The following NAV3 variants were observed in gnomAD, a reference collection of about 807,000 sequenced individuals.
NAV3 encodes pore membrane and/or filament interacting like protein 1.
Under a neutral mutation model 244.7 loss-of-function variants are expected in NAV3, and 87 were observed. The ratio of observed to expected loss-of-function variants is 0.36; its 90% CI spans 0.30 to 0.42. The LOEUF (loss-of-function observed/expected upper bound fraction) is 0.42, where lower values mean the gene tolerates loss of function less well. Ranked by LOEUF, NAV3 falls within the 20% of genes least tolerant of loss-of-function variation. The probability of loss-of-function intolerance (pLI) is 1.00; values close to 1 mark genes in which losing one functional copy is unlikely to be tolerated. For missense variants in NAV3, 2,663 were observed against 2,893.3 expected (o/e 0.92, Z 1.83); for synonymous variants, 1,126 against 1,042.2 (o/e 1.08, Z -1.55).
rs1311237337 is a variant in NAV3 at position 78,190,127 on chromosome 12, A to G, written c.6199A>G (p.Asn2067Asp). ...PSGTGKTYLA[N>D]KLAEYVITKS... ...TGGTACTGGAAAGACCTATTTGGCA[A>G]ACAAACTTGCTGAATATGTAATAAC... The change falls in exon 34 of 40, where the codon AAC (asparagine) becomes GAC (aspartate). Residue 2067 changes from asparagine (N) to aspartate (D), a missense_variant. Asn to Asp is a conservative substitution (Grantham distance 23). Coordinates refer to ENST00000397909, the MANE Select transcript of NAV3 (RefSeq NM_001024383.2). 6.2e-7 allele frequency: 1 copy of G among 1,613,172 alleles called. No homozygotes were observed. Among genetic ancestry groups the G allele is most frequent in the Non-Finnish European group, 8.5e-7 (1 of 1,179,546 alleles).
chr12:77,694,566 G>A (rs183691530), intron 2 of NAV3, among the ~76,000 whole-genome samples: 69 of 151,758 alleles, frequency 4.5e-4, no homozygotes, highest in African/African-American at 1.4e-3. Flanking sequence ...TGTCCAGACC[G>A]TGTATAACAG....
At chr12:77,857,024 A>C (rs1455819265) in intron 1 of NAV3, among the ~76,000 whole-genome samples, 1 of 152,144 alleles carries the variant, frequency 6.6e-6, no homozygotes, top group African/African-American at 2.4e-5. Context: ...TTTAACATCA[A>C]ATGCATTTAT....
intron 2 of NAV3, among the ~76,000 whole-genome samples, chr12:77,677,326 C>T (rs949485590): frequency 1.3e-5 from 2 of 152,090 alleles, no homozygotes; most frequent in Non-Finnish European, 2.9e-5. Flanking sequence ...AAAAAGATAA[C>T]TTAAATAGAT....
chr12:77,872,333 C>A (rs1201059854), intron 1 of NAV3, among the ~76,000 whole-genome samples: 1 of 152,004 alleles, frequency 6.6e-6, no homozygotes, highest in Non-Finnish European at 1.5e-5. Context: ...GTGTGTAAGA[C>A]CAGCTAATAC....
At chr12:77,666,083 C>T (rs558084612) in intron 2 of NAV3, among the ~76,000 whole-genome samples, 8 of 151,400 alleles carry the variant, frequency 5.3e-5, no homozygotes, top group East Asian at 3.9e-4. Context: ...AAAATTTCTT[C>T]TAATCTCTTC....
chr12:77,966,783 G>T (rs146121355), intron 4 of NAV3, among the ~76,000 whole-genome samples: 4 of 151,936 alleles, frequency 2.6e-5, no homozygotes, highest in Non-Finnish European at 4.4e-5. Flanking sequence ...AACTAACAGC[G>T]TTAATCACTG....
intron 2 of NAV3, among the ~76,000 whole-genome samples, chr12:77,619,154 G>A (rs190045634): frequency 6.6e-6 from 1 of 152,232 alleles, no homozygotes; most frequent in African/African-American, 2.4e-5. Flanking sequence ...TTTGAAAAGT[G>A]GTTTCTTACA....
At chr12:78,005,725 A>G (rs1874087653) in intron 7 of NAV3, among the ~76,000 whole-genome samples, 1 of 152,216 alleles carries the variant, frequency 6.6e-6, no homozygotes, top group Non-Finnish European at 1.5e-5. Flanking sequence ...TACCTAAATC[A>G]TTGAATGAAG....
chr12:77,685,818 A>C (rs773920278), intron 2 of NAV3, among the ~76,000 whole-genome samples: 83 of 152,306 alleles, frequency 5.4e-4, no homozygotes, highest in Non-Finnish European at 7.4e-4. Flanking sequence ...ACATATGATA[A>C]TTTATAAATA....
Position 78,058,946 on chromosome 12 carries a change from C to T in NAV3, c.2517-50C>T, listed in dbSNP as rs375832605. ...CGTTTGTTTATTAAGTTAAATTGTA[C>T]AGTTGAGTTGATTTAGTTTTCTGTG... On this transcript the variant is annotated intron_variant, in intron 11 of 39. Coordinates refer to ENST00000397909, the MANE Select transcript of NAV3 (RefSeq NM_001024383.2). 379 of 1,506,606 alleles carry T rather than the reference C, an allele frequency of 2.5e-4. 1 individual carries two copies. Among genetic ancestry groups the T allele is most frequent in the Non-Finnish European group, 3.2e-4 (355 of 1,123,972 alleles). 93.3% of individuals were successfully genotyped at this position (1,506,606 alleles called of 1,614,324 possible). A position where few individuals can be genotyped will look rare whatever the true frequency, so the allele number is the denominator to read the frequency against.
At chr12:77,838,536 T>C (rs2136142549) in intron 1 of NAV3, among the ~76,000 whole-genome samples, 1 of 152,334 alleles carries the variant, frequency 6.6e-6, no homozygotes, top group African/African-American at 2.4e-5. Context: ...TTGATGCCAA[T>C]TTGCCGAACA....
chr12:78,148,938 A>G lies in NAV3; in HGVS notation c.4785+19A>G, dbSNP rs1168191926. The G allele has an allele frequency of 6.3e-7, 1 of 1,585,094 alleles. No homozygotes were observed. The highest frequency in any genetic ancestry group is 1.1e-5 in the South Asian group (1 of 87,910). ...AGCAAATGTAAGTCACTTCATTTTT[A>G]AAATATATTACAACAAATTTTTATA... is the stretch of plus-strand genomic sequence containing the variant. On this transcript the variant is annotated intron_variant, in intron 22 of 39. Coordinates refer to ENST00000397909, the MANE Select transcript of NAV3 (RefSeq NM_001024383.2).
intron 9 of NAV3, among the ~76,000 whole-genome samples, chr12:78,033,906 T>C (rs1879413611): frequency 6.6e-6 from 1 of 152,152 alleles, no homozygotes; most frequent in Non-Finnish European, 1.5e-5. Flanking sequence ...TGCTTGGATC[T>C]CTCACCTCTC....
At chr12:78,140,471 A>G in intron 20 of NAV3, 137 bp downstream of exon 20, 1 of 748,534 alleles carries the variant, frequency 1.3e-6, no homozygotes, top group East Asian at 2.6e-5. Context: ...GGCATACTCT[A>G]AGCTGCCCAA....
intron 5 of NAV3, among the ~76,000 whole-genome samples, chr12:77,982,533 C>T (rs771608012): frequency 8.5e-5 from 13 of 152,082 alleles, no homozygotes; most frequent in Non-Finnish European, 1.6e-4. Flanking sequence ...GAAGGAAATG[C>T]CATTTCACAT....
chr12:77,901,184 TC>T (rs1885248654), intron 1 of NAV3, among the ~76,000 whole-genome samples: 1 of 152,238 alleles, frequency 6.6e-6, no homozygotes, highest in Non-Finnish European at 1.5e-5. Flanking sequence ...GCGTATTTAC[TC>T]TATTGATAGT....
intron 22 of NAV3, among the ~76,000 whole-genome samples, chr12:78,149,489 C>A (rs1956989863): frequency 6.6e-6 from 1 of 152,050 alleles, no homozygotes; most frequent in South Asian, 2.1e-4. Flanking sequence ...GAAATGATGA[C>A]AATGAAGACC....
chr12:78,006,146 T>C (rs1046779424), intron 7 of NAV3, among the ~76,000 whole-genome samples: 2 of 152,252 alleles, frequency 1.3e-5, no homozygotes, highest in South Asian at 4.1e-4. Context: ...TATCTGTGAC[T>C]AGCAAATTTA....
At chr12:78,070,313 T>C (rs1459496546) in intron 12 of NAV3, among the ~76,000 whole-genome samples, 1 of 151,964 alleles carries the variant, frequency 6.6e-6, no homozygotes, top group Non-Finnish European at 1.5e-5. Flanking sequence ...TTTTTGCAAA[T>C]GAGGCATGCA....
Sources: gnomAD v4.1 joint callset for allele counts (sites outside exome capture counted in the v4.1 genomes callset) on GRCh38, gnomAD v4.1.1 for gene constraint, MANE v1.5 for transcripts, NCBI Gene and HGNC (gene_info 2026-07-23, HGNC 2026-07-21) for gene names.